The following MGAT4C variants were observed in gnomAD, a reference collection of about 807,000 sequenced individuals.
MGAT4C encodes MGAT4 family member C.
In MGAT4C, 19 loss-of-function variants were observed where a neutral mutation model predicts 40.1. That is an observed-to-expected ratio of 0.47 (90% CI 0.33 to 0.70). MGAT4C has a LOEUF of 0.70. Ranked by LOEUF, MGAT4C falls within the 30% of genes least tolerant of loss-of-function variation. MGAT4C has a pLI of 0.02. For missense variants in MGAT4C, 491 were observed against 563.2 expected (o/e 0.87, Z 1.30); for synonymous variants, 181 against 187.1 (o/e 0.97, Z 0.27).
At chr12:86,051,776 T>G (rs1270895958) in intron 1 of MGAT4C, among the ~76,000 whole-genome samples, 1 of 151,216 alleles carries the variant, frequency 6.6e-6, no homozygotes, top group Non-Finnish European at 1.5e-5. Context: ...CTAATTAGTA[T>G]TAGATAGAAT....
At chr12:86,161,693 T>C (rs533427385) in intron 1 of MGAT4C, among the ~76,000 whole-genome samples, 17 of 151,870 alleles carry the variant, frequency 1.1e-4, no homozygotes, top group African/African-American at 4.1e-4. Context: ...CATAGCAAAA[T>C]AAACTATCAA....
At chr12:86,398,336 C>G (rs1373037176) in intron 3 of MGAT4C, among the ~76,000 whole-genome samples, 1 of 152,102 alleles carries the variant, frequency 6.6e-6, no homozygotes, top group African/African-American at 2.4e-5. Context: ...ATAGAACCGA[C>G]CTGGATAATC....
intron 1 of MGAT4C, among the ~76,000 whole-genome samples, chr12:86,107,860 C>A (rs1181187159): frequency 6.6e-6 from 1 of 151,942 alleles, no homozygotes; most frequent in Admixed American, 6.6e-5. Flanking sequence ...TTTAAAATGT[C>A]TTAAGTGTCT....
At chr12:86,124,614 A>G (rs1334238649) in intron 1 of MGAT4C, among the ~76,000 whole-genome samples, 1 of 151,998 alleles carries the variant, frequency 6.6e-6, no homozygotes, top group African/African-American at 2.4e-5. Flanking sequence ...TCGGCTGAAA[A>G]TGACTATAAT....
intron 2 of MGAT4C, among the ~76,000 whole-genome samples, chr12:86,490,868 C>T (rs1958118636): frequency 6.6e-6 from 1 of 152,080 alleles, no homozygotes; most frequent in African/African-American, 2.4e-5. Flanking sequence ...GCTAACTATC[C>T]TAAATATATA....
chr12:85,983,702 A>G (rs751223064), intron 3 of MGAT4C, 32 bp from the exon 4 acceptor site: 2 of 1,484,190 alleles, frequency 1.3e-6, no homozygotes, highest in South Asian at 2.6e-5. Context: ...AGGAAAATAT[A>G]TAAATAATAG....
At chr12:86,270,239 G>A (rs1952909957) in intron 4 of MGAT4C, among the ~76,000 whole-genome samples, 1 of 151,786 alleles carries the variant, frequency 6.6e-6, no homozygotes, top group Admixed American at 6.6e-5. Flanking sequence ...GCTAATTTTT[G>A]GCACTTTTTT....
chr12:86,728,767 G>A (rs371479383), intron 1 of MGAT4C, among the ~76,000 whole-genome samples: 27 of 152,172 alleles, frequency 1.8e-4, no homozygotes, highest in African/African-American at 6.3e-4. Context: ...TTTTTTCTCC[G>A]TACATACCAA....
intron 4 of MGAT4C, among the ~76,000 whole-genome samples, chr12:86,282,945 T>C (rs1953256898): frequency 6.6e-6 from 1 of 152,142 alleles, no homozygotes; most frequent in African/African-American, 2.4e-5. Context: ...TATGAAACTT[T>C]AGATCAAAGC....
At chr12:86,673,674 A>G (rs1964320318) in intron 2 of MGAT4C, among the ~76,000 whole-genome samples, 1 of 152,210 alleles carries the variant, frequency 6.6e-6, no homozygotes, top group Non-Finnish European at 1.5e-5. Context: ...CAATATATTC[A>G]ATATGTTCAA....
chr12:86,544,879 A>T (rs1376982200), intron 2 of MGAT4C, among the ~76,000 whole-genome samples: 1 of 152,086 alleles, frequency 6.6e-6, no homozygotes, highest in Non-Finnish European at 1.5e-5. Flanking sequence ...ATTCTTAGAG[A>T]TATGAAATGA....
intron 4 of MGAT4C, among the ~76,000 whole-genome samples, chr12:86,263,004 G>C (rs552245245): frequency 1.1e-4 from 17 of 151,980 alleles, no homozygotes; most frequent in Middle Eastern, 3.5e-3. Flanking sequence ...TCTATTAAAA[G>C]AGTGATTTTT....
intron 3 of MGAT4C, among the ~76,000 whole-genome samples, chr12:86,417,884 A>T (rs1956747825): frequency 6.6e-6 from 1 of 152,122 alleles, no homozygotes; most frequent in South Asian, 2.1e-4. Flanking sequence ...GCCAAAAAAC[A>T]AGCAAAACTA....
At chr12:86,655,970 A>C (rs1963839224) in intron 2 of MGAT4C, among the ~76,000 whole-genome samples, 1 of 152,056 alleles carries the variant, frequency 6.6e-6, no homozygotes, top group Middle Eastern at 3.2e-3. Context: ...TTTATCTAGA[A>C]TCCATACTGA....
At chr12:86,111,687 A>T (rs565401310) in intron 1 of MGAT4C, among the ~76,000 whole-genome samples, 16 of 151,912 alleles carry the variant, frequency 1.1e-4, no homozygotes, top group Non-Finnish European at 1.8e-4. Flanking sequence ...TTTCCTAAAA[A>T]CACTTTTTGA....
chr12:85,980,441 G>T lies in MGAT4C; in HGVS notation c.296-11C>A. 6.4e-7 allele frequency: 1 copy of T among 1,555,984 alleles called. No individual in the cohort carries two copies. The highest frequency in any genetic ancestry group is 1.2e-5 in the South Asian group (1 of 81,154). On this transcript the variant is annotated splice_polypyrimidine_tract_variant and intron_variant, in intron 4 of 4. Transcript: ENST00000611864. ...CAATTGTAAGATACCCTGCAAAAAA[G>T]AATTCAGAAGCAATACAAATGTGAA...
intron 1 of MGAT4C, chr12:86,745,121 T>C (rs958949179): frequency 6.6e-6 from 1 of 151,430 alleles, no homozygotes; most frequent in Non-Finnish European, 1.5e-5. Flanking sequence ...CTACACCCTA[T>C]GGGGCAGAGA....
chr12:86,300,745 T>G (rs183733039), intron 4 of MGAT4C, among the ~76,000 whole-genome samples: 1 of 152,284 alleles, frequency 6.6e-6, no homozygotes, highest in East Asian at 1.9e-4. Context: ...CTCTAAATTT[T>G]TATGAAATCT....
intron 3 of MGAT4C, among the ~76,000 whole-genome samples, chr12:86,431,734 C>T (rs1322809062): frequency 6.6e-6 from 1 of 152,122 alleles, no homozygotes; most frequent in East Asian, 1.9e-4. Context: ...GGAGCTGCAG[C>T]TTGCTGCTGC....
Sources: gnomAD v4.1 joint callset for allele counts (sites outside exome capture counted in the v4.1 genomes callset) on GRCh38, gnomAD v4.1.1 for gene constraint, MANE v1.5 for transcripts, NCBI Gene and HGNC (gene_info 2026-07-23, HGNC 2026-07-21) for gene names.